RAP2A: variants seen among roughly 807,000 people sequenced by gnomAD.
The protein encoded by RAP2A is RAP2A, member of RAS oncogene family.
In RAP2A, 5 loss-of-function variants were observed where a neutral mutation model predicts 15.1. The ratio of observed to expected loss-of-function variants is 0.33; its 90% CI spans 0.17 to 0.70. The LOEUF (loss-of-function observed/expected upper bound fraction) is 0.70. Ranked by LOEUF, RAP2A falls within the 30% of genes least tolerant of loss-of-function variation. The pLI is 0.68. For synonymous variants in RAP2A, 110 were observed against 99.7 expected (o/e 1.10, Z -0.62); for missense variants, 111 against 240.3 (o/e 0.46, Z 3.56).
At chr13:97,435,193 C>G (rs766586282) in intron 1 of RAP2A, among the ~76,000 whole-genome samples, 1 of 152,190 alleles carries the variant, frequency 6.6e-6, no homozygotes, top group Non-Finnish European at 1.5e-5. Context: ...AAATCGCTCA[C>G]ACACCTATAC....
intron 1 of RAP2A, among the ~76,000 whole-genome samples, chr13:97,460,337 G>C (rs935099462): frequency 6.6e-6 from 1 of 152,232 alleles, no homozygotes. Flanking sequence ...TGTGTTGACT[G>C]TGGGTGTGAC....
In RAP2A at chr13:97,468,030, AATGT is replaced by A. The variant is rs1266821042; in HGVS notation, c.*3591_*3594del. The A allele has an allele frequency of 6.6e-6, 1 of 152,226 alleles. No individual in the cohort carries two copies. Among genetic ancestry groups the A allele is most frequent in the Non-Finnish European group, 1.5e-5 (1 of 68,040 alleles). 9.4% of individuals were successfully genotyped at this position (152,226 alleles called of 1,614,324 possible). On this transcript the variant is annotated 3_prime_UTR_variant, in exon 2 of 2. Transcript: ENST00000245304. ...TTGTTTTGTACATGCTCATGAGAGAAATGTATTATATACAAAAACAATTAAAAAT... is the reference window on the plus strand; with the variant it reads ...TTGTTTTGTACATGCTCATGAGAGAAATTATATACAAAAACAATTAAAAAT...
intron 1 of RAP2A, among the ~76,000 whole-genome samples, chr13:97,435,257 G>A (rs1421457070): frequency 6.6e-6 from 1 of 152,106 alleles, no homozygotes; most frequent in Non-Finnish European, 1.5e-5. Flanking sequence ...AAAGGTTTAT[G>A]GTTCCAAGGC....
At chr13:97,450,279 A>G (rs1388811917) in intron 1 of RAP2A, among the ~76,000 whole-genome samples, 1 of 152,196 alleles carries the variant, frequency 6.6e-6, no homozygotes, top group African/African-American at 2.4e-5. Context: ...TTTAATCCAG[A>G]TGTAAATTTA....
At chr13:97,448,240 C>T (rs979898105) in intron 1 of RAP2A, among the ~76,000 whole-genome samples, 4 of 152,054 alleles carry the variant, frequency 2.6e-5, no homozygotes, top group Non-Finnish European at 5.9e-5. Flanking sequence ...GAATGGAAGC[C>T]AGAGATAGGA....
chr13:97,450,278 G>T (rs1324414862), intron 1 of RAP2A, among the ~76,000 whole-genome samples: 1 of 152,160 alleles, frequency 6.6e-6, no homozygotes, highest in Non-Finnish European at 1.5e-5. Context: ...ATTTAATCCA[G>T]ATGTAAATTT....
At chr13:97,452,405 C>T (rs1312031259) in intron 1 of RAP2A, among the ~76,000 whole-genome samples, 1 of 151,054 alleles carries the variant, frequency 6.6e-6, no homozygotes, top group African/African-American at 2.4e-5. Flanking sequence ...AAATTGTAGC[C>T]GTACCTTTGT....
At chr13:97,463,610 A>G (rs2066757625) in intron 1 of RAP2A, among the ~76,000 whole-genome samples, 1 of 152,166 alleles carries the variant, frequency 6.6e-6, no homozygotes, top group Non-Finnish European at 1.5e-5. Context: ...GAGAACTATT[A>G]GAACGAACAT....
At position 97,434,687 on chromosome 13, in the gene RAP2A, A is replaced by C; in HGVS notation, c.217A>C (p.Lys73Gln). ...CGCGTCCATGCGGGACCTGTACATC[A>C]AGAACGGCCAGGGCTTCATCCTCGT... ...QFASMRDLYI[K>Q]NGQGFILVYS... Residue 73 changes from lysine to glutamine, a missense_variant, in exon 1 of 2, where the codon AAG becomes CAG. By Grantham distance (53) the Lys-to-Gln change is moderately conservative. Around this residue, in one of 3 missense-constraint regions of RAP2A, gnomAD observed 17 missense variants for 79.7 expected, o/e 0.21. Coordinates refer to ENST00000245304, the MANE Select transcript of RAP2A (RefSeq NM_021033.7). The C allele has an allele frequency of 1.2e-6, 2 of 1,614,066 alleles. No homozygotes were observed. The highest frequency in any genetic ancestry group is 1.7e-6 in the Non-Finnish European group (2 of 1,179,982).
rs2066782373 is a variant in RAP2A at position 97,468,540 on chromosome 13, C to G, written c.*4098C>G. ...CATTCATTTCCTAAGCCAATTTAAA[C>G]TATGCCTTTTGGTTATGTTGCCTTC... On this transcript the variant is annotated 3_prime_UTR_variant, in exon 2 of 2. Coordinates refer to ENST00000245304, the MANE Select transcript of RAP2A (RefSeq NM_021033.7). 6.6e-6 allele frequency: 1 copy of G among 152,226 alleles called. No homozygotes were observed. The highest frequency in any genetic ancestry group is 2.4e-5 in the African/African-American group (1 of 41,466). The allele number at this position is 152,226 out of a possible 1,614,324, so 9.4% of individuals were successfully genotyped here.
At chr13:97,445,709 C>T (rs1201062519) in intron 1 of RAP2A, among the ~76,000 whole-genome samples, 1 of 151,878 alleles carries the variant, frequency 6.6e-6, no homozygotes, top group African/African-American at 2.4e-5. Context: ...GGAGAGTCCC[C>T]CAGCTGTGTG....
chr13:97,468,864 A>G lies in RAP2A; in HGVS notation c.*4422A>G, dbSNP rs2066783640. ...TCTCAAGTTATATTATTTGTCTGTT[A>G]GAGGTCCACGAATGAAAATATATGT... On this transcript the variant is annotated 3_prime_UTR_variant, in exon 2 of 2. Transcript: ENST00000245304. The G allele has an allele frequency of 6.6e-6, 1 of 152,208 alleles. No homozygotes were observed. The highest frequency in any genetic ancestry group is 2.4e-5 in the African/African-American group (1 of 41,460). 9.4% of individuals were successfully genotyped at this position (152,208 alleles called of 1,614,324 possible).
chr13:97,435,517 GAAACA>G (rs2066630376), intron 1 of RAP2A, among the ~76,000 whole-genome samples: 1 of 146,822 alleles, frequency 6.8e-6, no homozygotes, highest in Non-Finnish European at 1.5e-5. Flanking sequence ...CCAGTTCCTG[GAAACA>G]AAACAGAAGC....
At chr13:97,447,971 GT>G (rs1193974683) in intron 1 of RAP2A, among the ~76,000 whole-genome samples, 2,183 of 140,554 alleles carry the variant, frequency 0.016, 52 homozygotes, top group African/African-American at 0.049. Flanking sequence ...GAGTTCTTGG[GT>G]TTTTTTTTTT....
At chr13:97,437,118 A>T (rs2066637441) in intron 1 of RAP2A, 1 of 152,228 alleles carries the variant, frequency 6.6e-6, no homozygotes, top group South Asian at 2.1e-4. Flanking sequence ...CTGATTTTTT[A>T]AAAATAACAT....
At chr13:97,437,085 T>C (rs1463140746) in intron 1 of RAP2A, among the ~76,000 whole-genome samples, 3 of 152,198 alleles carry the variant, frequency 2.0e-5, no homozygotes, top group Non-Finnish European at 4.4e-5. Flanking sequence ...GAGCCACATA[T>C]GTAATTTTAA....
rs1184379467 is a variant in RAP2A, at chr13:97,467,910, G to A, written c.*3468G>A. 1 of 152,576 alleles carries A rather than the reference G, an allele frequency of 6.6e-6. No individual in the cohort carries two copies. Among genetic ancestry groups the A allele is most frequent in the African/African-American group, 2.4e-5 (1 of 41,444 alleles). 9.5% of individuals were successfully genotyped at this position (152,576 alleles called of 1,614,324 possible). A position where few individuals can be genotyped will look rare whatever the true frequency, so the allele number is the denominator to read the frequency against. ...AACCTTGACATTTCAATTAAAACATGAATTGTAGTTATAACTCAATGCAAA... is the reference window on the plus strand; with the variant it reads ...AACCTTGACATTTCAATTAAAACATAAATTGTAGTTATAACTCAATGCAAA... On this transcript the variant is annotated 3_prime_UTR_variant, in exon 2 of 2. Transcript: ENST00000245304.
chr13:97,452,432 C>CT (rs2066705622), intron 1 of RAP2A, among the ~76,000 whole-genome samples: 1 of 151,210 alleles, frequency 6.6e-6, no homozygotes, highest in African/African-American at 2.4e-5. Flanking sequence ...TCAGGCAAAT[C>CT]TATCTGTGTG....
chr13:97,443,838 C>CTTATTATTA (rs2066668167), intron 1 of RAP2A, among the ~76,000 whole-genome samples: 1 of 152,192 alleles, frequency 6.6e-6, no homozygotes, highest in South Asian at 2.1e-4. Flanking sequence ...AGATCCAGCA[C>CTTATTATTA]TTATTAGTTA....
Sources: gnomAD v4.1 joint callset for allele counts (sites outside exome capture counted in the v4.1 genomes callset) on GRCh38, gnomAD v4.1.1 for gene constraint, gnomAD v4.1.1 regional missense constraint, MANE v1.5 for transcripts, NCBI Gene and HGNC (gene_info 2026-07-23, HGNC 2026-07-21) for gene names.